The following MEF2D variants were observed in gnomAD, a reference collection of about 807,000 sequenced individuals.
MEF2D encodes myocyte-specific enhancer factor 2D.
A neutral mutation model predicts 59.3 loss-of-function variants in MEF2D; 10 were observed. The ratio of observed to expected loss-of-function variants is 0.17; its 90% confidence interval spans 0.10 to 0.29. The LOEUF (loss-of-function observed/expected upper bound fraction) is 0.29. Among genes scored for constraint, MEF2D ranks in the 10% least tolerant of loss-of-function variants. The probability of loss-of-function intolerance (pLI) is 1.00; values close to 1 mark genes in which losing one functional copy is unlikely to be tolerated. For missense variants in MEF2D, 508 were observed against 699.4 expected, an observed-to-expected ratio of 0.73 and a Z score of 3.09; for synonymous variants, 305 against 295.0, an observed-to-expected ratio of 1.03 and a Z score of -0.35.
intron 9 of MEF2D, among the ~76,000 whole-genome samples, chr1:156,470,053 T>C (rs1671136044): frequency 1.3e-5 from 2 of 152,320 alleles, no homozygotes; most frequent in South Asian, 2.1e-4. Flanking sequence ...GATCTCCCCA[T>C]GAGGGGGTGT....
rs1571232163 is a variant in MEF2D at position 156,477,084 on chromosome 1, A to C, written c.783T>G (p.Leu261=). 6.2e-7 allele frequency: 1 copy of C among 1,613,882 alleles called. No homozygotes were observed. Among genetic ancestry groups the C allele is most frequent in the Non-Finnish European group, 8.5e-7 (1 of 1,179,868 alleles). The change falls in exon 7 of 12, where the codon CTT becomes CTG. Residue 261 remains leucine, a synonymous_variant. Coordinates refer to ENST00000348159, the MANE Select transcript of MEF2D (RefSeq NM_005920.4). ...SPPPPTHSTQ[L]GAPSRKPDLR... The stretch of plus-strand genomic sequence containing the variant: ...GGTCGGGCTTGCGGCTGGGGGCTCC[A>C]AGCTGGGTGCTGTGGGTAGGTGGGG...
Position 156,500,597 on chromosome 1 carries a change from A to AT in MEF2D, c.-251_-250insA, listed in dbSNP as rs991599184. The AT allele has an allele frequency of 7.9e-5, 12 of 152,144 alleles. No individual in the cohort carries two copies. The highest frequency in any genetic ancestry group is 2.4e-4 in the African/African-American group (10 of 41,522). 9.4% of individuals were successfully genotyped at this position (152,144 alleles called of 1,614,324 possible). On this transcript the variant is annotated 5_prime_UTR_variant, in exon 1 of 12. Transcript: ENST00000348159. ...GCAGCTCCGGGCGGGGAGAATAATA[A>AT]ATGAGGCCGGCGTCCGCGCGGGCCC...
rs574385884 is a variant in MEF2D, at chr1:156,477,192, G to A, written c.675C>T (p.Tyr225=). 155 of 1,602,120 alleles carry A rather than the reference G, an allele frequency of 9.7e-5. 1 individual carries two copies. Among genetic ancestry groups the A allele is most frequent in the Non-Finnish European group, 1.3e-4 (147 of 1,173,260 alleles). ...GGCCAGGGGAAGCCCGAGCACTGAC[G>A]TAGCCATTCCCTGGAGAAGTGACAA... ...GACPSPVGNG[Y]VSARASPGLL... Residue 225 remains tyrosine (Y), a synonymous_variant, in exon 7 of 12, where the codon TAC becomes TAT. Transcript: ENST00000348159.
chr1:156,479,245 C>A, intron 6 of MEF2D, 45 bp downstream of exon 6: 1 of 1,543,808 alleles, frequency 6.5e-7, no homozygotes, highest in Admixed American at 2.0e-5. Flanking sequence ...GGCCACTGAG[C>A]GGGCACCCCT....
At chr1:156,473,559 G>C (rs571385364) in intron 9 of MEF2D, among the ~76,000 whole-genome samples, 1 of 152,216 alleles carries the variant, frequency 6.6e-6, no homozygotes, top group Non-Finnish European at 1.5e-5. Context: ...TGAAACAAGG[G>C]GACAAGGCGT....
chr1:156,476,359 G>A, intron 8 of MEF2D, 135 bp downstream of exon 8: 4 of 1,079,838 alleles, frequency 3.7e-6, no homozygotes, highest in Non-Finnish European at 5.5e-6. Flanking sequence ...CACAGCTCCT[G>A]GCAACTAAGC....
At chr1:156,477,515 G>A (rs764896811) in intron 6 of MEF2D, among the ~76,000 whole-genome samples, 30 of 152,260 alleles carry the variant, frequency 2.0e-4, no homozygotes, top group African/African-American at 5.8e-4. Flanking sequence ...GCTCTGCGAC[G>A]GCCAAGAGGT....
chr1:156,468,388 G>T lies in MEF2D; in HGVS notation c.1248-89C>A. 3 of 971,000 alleles carry T rather than the reference G, an allele frequency of 3.1e-6. No individual in the cohort carries two copies. Among genetic ancestry groups the T allele is most frequent in the Admixed American group, 2.7e-5 (1 of 36,494 alleles). 60.1% of individuals were successfully genotyped at this position (971,000 alleles called of 1,614,324 possible). On this transcript the variant is annotated intron_variant, in intron 10 of 11. Transcript: ENST00000348159. This position sits in a 1 kb window ranked among gnomAD's most constrained non-coding sequence, Gnocchi z 4.3. ...AGTGATAGGACACCAGACAGAAAGT[G>T]AGAGAGAACAAGAGGATGAGAATAT...
At chr1:156,470,458 C>T (rs1206020320) in intron 9 of MEF2D, among the ~76,000 whole-genome samples, 1 of 151,766 alleles carries the variant, frequency 6.6e-6, no homozygotes, top group Non-Finnish European at 1.5e-5. Context: ...AGAAAATGTC[C>T]TCCCTGAGGC....
chr1:156,471,248 A>G (rs2102007427), intron 9 of MEF2D, among the ~76,000 whole-genome samples: 1 of 152,054 alleles, frequency 6.6e-6, no homozygotes, highest in Non-Finnish European at 1.5e-5. Context: ...TTCCTACCTC[A>G]GCTTCCCGAG....
At chr1:156,469,538 A>G (rs1392674713) in intron 9 of MEF2D, among the ~76,000 whole-genome samples, 1 of 151,442 alleles carries the variant, frequency 6.6e-6, no homozygotes, top group Non-Finnish European at 1.5e-5. Context: ...GATTACAGGC[A>G]TGAGCCACCG....
At chr1:156,497,522 C>T (rs1251976435) in intron 1 of MEF2D, among the ~76,000 whole-genome samples, 1 of 152,176 alleles carries the variant, frequency 6.6e-6, no homozygotes, top group Non-Finnish European at 1.5e-5. Context: ...ACTTATAGAA[C>T]CTGATGAACA....
chr1:156,471,533 C>T (rs1280423873), intron 9 of MEF2D, among the ~76,000 whole-genome samples: 1 of 152,208 alleles, frequency 6.6e-6, no homozygotes, highest in East Asian at 1.9e-4. Context: ...AGACTAGCTC[C>T]CAGCCCTGCA....
intron 9 of MEF2D, among the ~76,000 whole-genome samples, chr1:156,473,407 G>A (rs1671369698): frequency 6.6e-6 from 1 of 152,162 alleles, no homozygotes; most frequent in African/African-American, 2.4e-5. Context: ...TGGGGAAGGG[G>A]GAGAAGTTTA....
chr1:156,470,093 G>C (rs1017357846), intron 9 of MEF2D, among the ~76,000 whole-genome samples: 2 of 152,220 alleles, frequency 1.3e-5, no homozygotes, highest in Non-Finnish European at 2.9e-5. Flanking sequence ...CTACCTTAAA[G>C]AAGAAACTGA....
chr1:156,495,417 C>T (rs531698938), intron 1 of MEF2D, among the ~76,000 whole-genome samples: 137 of 152,266 alleles, frequency 9.0e-4, no homozygotes, highest in African/African-American at 3.2e-3. Context: ...TATTCCCATG[C>T]TCAGTACAAA....
At chr1:156,488,112 ACT>A (rs1346773498) in intron 1 of MEF2D, among the ~76,000 whole-genome samples, 4 of 151,928 alleles carry the variant, frequency 2.6e-5, no homozygotes, top group African/African-American at 9.7e-5. Flanking sequence ...TGGCTGATTG[ACT>A]CTGATTCACC....
At chr1:156,485,217 C>A (rs1313187499) in intron 1 of MEF2D, among the ~76,000 whole-genome samples, 1 of 152,142 alleles carries the variant, frequency 6.6e-6, no homozygotes, top group Non-Finnish European at 1.5e-5. Flanking sequence ...CTTACCCCTA[C>A]CCCCCAGCTC....
rs1486425744 is a variant in MEF2D at position 156,467,279 on chromosome 1, C to T, written c.*366G>A. On this transcript the variant is annotated 3_prime_UTR_variant, in exon 12 of 12. Coordinates refer to ENST00000348159, the MANE Select transcript of MEF2D (RefSeq NM_005920.4). ...GGGTGGGAGGGCTCCACATGCAGGGCTCGGCACCTGTCCTTTCCCAAAGGC... is the reference window on the plus strand; with the variant it reads ...GGGTGGGAGGGCTCCACATGCAGGGTTCGGCACCTGTCCTTTCCCAAAGGC... 2.6e-5 allele frequency: 4 copies of T among 152,668 alleles called. No homozygotes were observed. Among genetic ancestry groups the T allele is most frequent in the African/African-American group, 9.7e-5 (4 of 41,314 alleles). 9.5% of individuals were successfully genotyped at this position (152,668 alleles called of 1,614,324 possible).
Sources: allele counts gnomAD v4.1 joint callset (sites outside exome capture counted in the v4.1 genomes callset), GRCh38; gene constraint gnomAD v4.1.1; non-coding constraint Gnocchi (gnomAD v3.1); transcripts MANE v1.5; gene names NCBI Gene and HGNC (gene_info 2026-07-23, HGNC 2026-07-21).